Variants in OCM observed in about 807,000 individuals in gnomAD.
The protein encoded by OCM is oncomodulin.
OCM carries 18 observed loss-of-function variants against 14.1 expected under a neutral mutation model. The ratio of observed to expected loss-of-function variants is 1.28; its 90% CI spans 0.88 to 1.89. The LOEUF (loss-of-function observed/expected upper bound fraction) is 1.89, where lower values mean the gene tolerates loss of function less well. Among genes scored for constraint, OCM ranks in the 40% most tolerant of loss-of-function variants. OCM has a pLI of 0.00. For synonymous variants in OCM, 48 were observed against 51.0 expected (o/e 0.94, Z 0.25); for missense variants, 140 against 137.6 (o/e 1.02, Z -0.09).
the OCM span, among the ~76,000 whole-genome samples, chr7:5,866,657 C>G: frequency 6.6e-6 from 1 of 152,192 alleles, no homozygotes; most frequent in Non-Finnish European, 1.5e-5. Context: ...ACTCACTCAA[C>G]TCCCAGTAAT....
At chr7:5,880,976 G>C in intron 1 of OCM, 26 bp downstream of exon 1, 1 of 1,606,856 alleles carries the variant, frequency 6.2e-7, no homozygotes, top group Non-Finnish European at 8.5e-7. Flanking sequence ...GGCGGGGGTG[G>C]GATTTCCTCA....
chr7:5,878,032 G>A (rs181996253), upstream of OCM, among the ~76,000 whole-genome samples: 22 of 149,404 alleles, frequency 1.5e-4, no homozygotes, highest in African/African-American at 3.4e-4. Flanking sequence ...GTGCAGTGAC[G>A]TGATCTCGGC....
At chr7:5,874,035 G>T in the OCM span, among the ~76,000 whole-genome samples, 1 of 147,652 alleles carries the variant, frequency 6.8e-6, no homozygotes, top group East Asian at 2.0e-4. Flanking sequence ...GGCCAACATG[G>T]TGAAACCCCA....
chr7:5,867,751 TG>T, the OCM span, among the ~76,000 whole-genome samples: 1 of 151,836 alleles, frequency 6.6e-6, no homozygotes, highest in Non-Finnish European at 1.5e-5. Context: ...GGGAGGGGAC[TG>T]GTTCTGTTTT....
chr7:5,861,138 C>T, the OCM span, among the ~76,000 whole-genome samples: 2 of 152,002 alleles, frequency 1.3e-5, no homozygotes, highest in South Asian at 2.1e-4. Flanking sequence ...CAGTTCTGGC[C>T]GAGTGCAGTG....
chr7:5,872,726 C>T, the OCM span, among the ~76,000 whole-genome samples: 6 of 152,144 alleles, frequency 3.9e-5, no homozygotes, highest in Non-Finnish European at 7.4e-5. Flanking sequence ...TACCCAGGGA[C>T]ACAAACACTG....
At chr7:5,877,819 C>CA (rs535302724), upstream of OCM, among the ~76,000 whole-genome samples, 3,752 of 55,182 alleles carry the variant, frequency 0.068, 290 homozygotes, top group African/African-American at 0.088. Flanking sequence ...GACTCCATCT[C>CA]AAAAAAAAAA....
the OCM span, among the ~76,000 whole-genome samples, chr7:5,869,379 C>T: frequency 4.6e-5 from 7 of 152,066 alleles, no homozygotes; most frequent in Non-Finnish European, 8.8e-5. Context: ...AGGTGGATCA[C>T]TTGAGGTCAG....
the OCM span, among the ~76,000 whole-genome samples, chr7:5,867,482 TTCC>T: frequency 1.3e-5 from 2 of 152,198 alleles, no homozygotes; most frequent in Admixed American, 6.5e-5. Flanking sequence ...CTCCTCCTTT[TTCC>T]TCCTCTTATT....
the OCM span, among the ~76,000 whole-genome samples, chr7:5,868,513 C>T: frequency 3.3e-5 from 5 of 152,102 alleles, no homozygotes; most frequent in Non-Finnish European, 5.9e-5. Flanking sequence ...AAGACACAGC[C>T]AGCCAAAGGT....
At chr7:5,880,741 AGAGT>A, upstream of OCM, 2 of 671,950 alleles carry the variant, frequency 3.0e-6, no homozygotes, top group Non-Finnish European at 4.9e-6. Flanking sequence ...CCTGGGTGAC[AGAGT>A]GAGACTCCGT....
chr7:5,881,528 A>C (rs544971148), intron 1 of OCM, among the ~76,000 whole-genome samples: 21 of 151,922 alleles, frequency 1.4e-4, no homozygotes, highest in African/African-American at 4.1e-4. Context: ...TACTCTGGAA[A>C]CTAAGGTAGG....
intron 3 of OCM, among the ~76,000 whole-genome samples, chr7:5,884,716 A>G (rs545724976): frequency 4.5e-4 from 68 of 150,184 alleles, no homozygotes; most frequent in African/African-American, 1.6e-3. Context: ...ATGCTTATTA[A>G]AAAAAAAAAA....
the OCM span, among the ~76,000 whole-genome samples, chr7:5,867,927 G>T: frequency 2.0e-5 from 3 of 151,834 alleles, no homozygotes; most frequent in African/African-American, 7.3e-5. Flanking sequence ...TTGTAGAGAT[G>T]GGGTTCCACC....
At chr7:5,867,661 A>G in the OCM span, among the ~76,000 whole-genome samples, 1 of 150,382 alleles carries the variant, frequency 6.6e-6, no homozygotes, top group South Asian at 2.1e-4. Context: ...TAGCTCACTG[A>G]TGTCTGGTTT....
chr7:5,864,382 G>C, the OCM span, among the ~76,000 whole-genome samples: 1 of 151,426 alleles, frequency 6.6e-6, no homozygotes, highest in Non-Finnish European at 1.5e-5. Context: ...CCTTCACGGT[G>C]TTCTAAAAAG....
chr7:5,879,806 C>T (rs1200593079), upstream of OCM: 1 of 148,842 alleles, frequency 6.7e-6, no homozygotes, highest in Admixed American at 6.8e-5. Flanking sequence ...ATTTGAGCTG[C>T]ATCCACTTGA....
chr7:5,876,136 G>T (rs1205915563), upstream of OCM, among the ~76,000 whole-genome samples: 7 of 152,148 alleles, frequency 4.6e-5, no homozygotes, highest in African/African-American at 1.7e-4. Context: ...CTCCAGAGTA[G>T]CTGGGATTAC....
At chr7:5,878,086 T>A (rs1781131615), upstream of OCM, among the ~76,000 whole-genome samples, 1 of 150,582 alleles carries the variant, frequency 6.6e-6, no homozygotes, top group African/African-American at 2.4e-5. Flanking sequence ...TTCTCCTGCC[T>A]CAGCCTCCCA....
Sources: allele counts gnomAD v4.1 joint callset (sites outside exome capture counted in the v4.1 genomes callset), GRCh38; gene constraint gnomAD v4.1.1; transcripts MANE v1.5; gene names NCBI Gene and HGNC (gene_info 2026-07-23, HGNC 2026-07-21).